Variants in WDR48 observed in about 807,000 individuals in gnomAD.
WDR48 encodes the protein WD repeat-containing protein 48.
A neutral mutation model predicts 94.0 loss-of-function variants in WDR48; 22 were observed. The observed-to-expected ratio is 0.23, with a 90% CI of 0.17 to 0.33. WDR48 has a LOEUF of 0.33. WDR48 is among the 10% of genes least tolerant of loss of function. The pLI, the probability that WDR48 is intolerant of heterozygous loss-of-function variation, is 1.00. For missense variants in WDR48, 541 were observed against 813.8 expected (o/e 0.66, Z 4.08); for synonymous variants, 278 against 280.5 (o/e 0.99, Z 0.09).
chr3:39,085,116 A>G (rs1372788079), intron 13 of WDR48, among the ~76,000 whole-genome samples: 1 of 152,154 alleles, frequency 6.6e-6, no homozygotes, highest in Admixed American at 6.5e-5. Context: ...AGTCCCAGCT[A>G]TTCGGGAGGC....
chr3:39,071,106 A>G (rs2033912552), intron 7 of WDR48, among the ~76,000 whole-genome samples: 2 of 152,156 alleles, frequency 1.3e-5, no homozygotes, highest in Non-Finnish European at 2.9e-5. Context: ...GGCTGGTTCC[A>G]AGTATTTGCT....
At chr3:39,054,129 C>G (rs994839053) in intron 1 of WDR48, among the ~76,000 whole-genome samples, 2 of 152,188 alleles carry the variant, frequency 1.3e-5, no homozygotes, top group African/African-American at 4.8e-5. Context: ...CCATCATTGT[C>G]TATGAGGTGT....
At chr3:39,074,190 C>T (rs906615868) in intron 7 of WDR48, among the ~76,000 whole-genome samples, 2 of 152,154 alleles carry the variant, frequency 1.3e-5, no homozygotes, top group African/African-American at 4.8e-5. Context: ...GTAGATAATG[C>T]GAGTAGGGCT....
rs151234408 is a variant in WDR48 at position 39,078,221 on chromosome 3, C to T, written c.1057C>T (p.Pro353Ser). 29 of 1,612,174 alleles carry T rather than the reference C, an allele frequency of 1.8e-5. No individual in the cohort carries two copies. The highest frequency in any genetic ancestry group is 2.4e-5 in the Non-Finnish European group (28 of 1,178,900). Residue 353 changes from proline (P) to serine (S), a missense_variant, in exon 10 of 19, where the codon CCT becomes TCT. By Grantham distance (74) the Pro-to-Ser change is moderately conservative. Transcript: ENST00000302313. ...TCCTATAACACCTCTTTGTACACAA[C>T]CTGACCAGGTTATTAAAGGTAAGAA... ...TNPITPLCTQ[P>S]DQVIKGGASI...
intron 5 of WDR48, among the ~76,000 whole-genome samples, chr3:39,067,108 G>A (rs922524364): frequency 7.9e-5 from 12 of 152,122 alleles, no homozygotes; most frequent in African/African-American, 2.7e-4. Context: ...TTTTTTGTAC[G>A]TGTGCATGTC....
rs1463908261 is a variant in WDR48 at position 39,078,123 on chromosome 3, T to G, written c.973-14T>G. 1 of 1,575,642 alleles carries G rather than the reference T, an allele frequency of 6.3e-7. No homozygotes were observed. Among genetic ancestry groups the G allele is most frequent in the Non-Finnish European group, 8.7e-7 (1 of 1,148,918 alleles). On this transcript the variant is annotated splice_polypyrimidine_tract_variant and intron_variant, in intron 9 of 18. Coordinates refer to ENST00000302313, the MANE Select transcript of WDR48 (RefSeq NM_020839.4). ...GAGCATAACATGATCAAATAACAAA[T>G]TTTGTAATTTTAGACTTTGAAAGGA...
At chr3:39,079,041 A>C (rs558803296) in intron 10 of WDR48, among the ~76,000 whole-genome samples, 44 of 152,196 alleles carry the variant, frequency 2.9e-4, no homozygotes, top group African/African-American at 9.9e-4. Context: ...AAAAAAAAAA[A>C]AAAAAATGCT....
chr3:39,083,899 G>A (rs571781556), intron 11 of WDR48, among the ~76,000 whole-genome samples: 1 of 152,202 alleles, frequency 6.6e-6, no homozygotes, highest in Non-Finnish European at 1.5e-5. Flanking sequence ...TTGCTGTTAA[G>A]ATGAGGTGGT....
At position 39,079,190 on chromosome 3, in the gene WDR48, TATG is replaced by T. The variant is rs147472526; in HGVS notation, c.1076-518_1076-516del. Among the ~76,000 whole-genome samples the T allele has an allele frequency of 3.8e-3, 583 of 152,330 alleles. 5 individuals carry two copies. The highest frequency in any genetic ancestry group is 0.013 in the African/African-American group (555 of 41,576). On this transcript the variant is annotated intron_variant, in intron 10 of 18. Coordinates refer to ENST00000302313, the MANE Select transcript of WDR48 (RefSeq NM_020839.4). ...TAGATATGAGGCAGAAAAGGACAGATATGATCCTCAAATTCTACATGCTGCTGC... is the reference window on the plus strand; with the variant it reads ...TAGATATGAGGCAGAAAAGGACAGATATCCTCAAATTCTACATGCTGCTGC...
intron 5 of WDR48, among the ~76,000 whole-genome samples, chr3:39,068,408 T>C (rs1216047360): frequency 6.6e-6 from 1 of 152,178 alleles, no homozygotes; most frequent in Non-Finnish European, 1.5e-5. Flanking sequence ...TATTACCTTG[T>C]TTTTTGTCTT....
chr3:39,056,108 AG>A (rs1410099884), intron 1 of WDR48, among the ~76,000 whole-genome samples: 4 of 152,234 alleles, frequency 2.6e-5, no homozygotes, highest in Non-Finnish European at 5.9e-5. Flanking sequence ...GAAACATATC[AG>A]CATATATAGT....
At chr3:39,067,669 A>G (rs868022253) in intron 5 of WDR48, among the ~76,000 whole-genome samples, 2 of 152,192 alleles carry the variant, frequency 1.3e-5, no homozygotes, top group Non-Finnish European at 2.9e-5. Context: ...GGATCCCTAC[A>G]TTATAGGTCC....
In WDR48 at chr3:39,084,850, C is replaced by G. The variant is rs190724554; in HGVS notation, c.1378+109C>G. The G allele has an allele frequency of 4.6e-3, 3,855 of 839,658 alleles. 11 individuals carry two copies. Among genetic ancestry groups the G allele is most frequent in the Non-Finnish European group, 5.4e-3 (2,939 of 540,928 alleles). 52.0% of individuals were successfully genotyped at this position (839,658 alleles called of 1,614,324 possible). On this transcript the variant is annotated intron_variant, in intron 13 of 18. Coordinates refer to ENST00000302313, the MANE Select transcript of WDR48 (RefSeq NM_020839.4). ...GTAAAAGTTCTCTATATTTTGTTGACTATGTCCTAAAAATGTGGTATGTAC... is the reference window on the plus strand; with the variant it reads ...GTAAAAGTTCTCTATATTTTGTTGAGTATGTCCTAAAAATGTGGTATGTAC...
intron 2 of WDR48, among the ~76,000 whole-genome samples, chr3:39,065,008 A>G (rs1559602329): frequency 6.6e-6 from 1 of 152,216 alleles, no homozygotes; most frequent in Non-Finnish European, 1.5e-5. Flanking sequence ...TGCCCCAAAC[A>G]TCTTTTTTCT....
intron 8 of WDR48, 93 bp downstream of exon 8, chr3:39,075,043 T>C: frequency 3.1e-6 from 4 of 1,286,872 alleles, no homozygotes; most frequent in Non-Finnish European, 4.3e-6. Flanking sequence ...ATGACTCAAC[T>C]GCAGGGTTCG....
intron 18 of WDR48, 24 bp downstream of exon 18, chr3:39,094,090 C>A: frequency 6.3e-7 from 1 of 1,594,042 alleles, no homozygotes; most frequent in Non-Finnish European, 8.5e-7. Context: ...AGGACTACAG[C>A]CCCAATTTTT....
chr3:39,078,054 A>T, intron 9 of WDR48, 83 bp from the exon 10 acceptor site: 3 of 1,026,900 alleles, frequency 2.9e-6, no homozygotes, highest in African/African-American at 1.6e-5. Flanking sequence ...TTGTTTTTTG[A>T]CTTTATTTTT....
Position 39,052,085 on chromosome 3 carries a change from C to T in WDR48, c.48+12C>T, listed in dbSNP as rs200324354. On this transcript the variant is annotated intron_variant, in intron 1 of 18. Transcript: ENST00000302313. The stretch of plus-strand genomic sequence containing the variant: ...GGAGGAAAGTGCAGGTATGGAAGCC[C>T]GGTTCCTCGGTCTTCCGGACGCGGC... 2.5e-6 allele frequency: 4 copies of T among 1,613,282 alleles called. No individual in the cohort carries two copies. The highest frequency in any genetic ancestry group is 3.4e-6 in the Non-Finnish European group (4 of 1,179,750).
chr3:39,076,540 G>T (rs1431022528), intron 8 of WDR48, among the ~76,000 whole-genome samples: 1 of 152,200 alleles, frequency 6.6e-6, no homozygotes, highest in Non-Finnish European at 1.5e-5. Flanking sequence ...GTCCTGCCCT[G>T]TTCCCATCAC....
Sources: allele counts gnomAD v4.1 joint callset (sites outside exome capture counted in the v4.1 genomes callset), GRCh38; gene constraint gnomAD v4.1.1; transcripts MANE v1.5; gene names NCBI Gene and HGNC (gene_info 2026-07-23, HGNC 2026-07-21).